MGAT4C: variants seen among roughly 807,000 people sequenced by gnomAD.
MGAT4C encodes the protein alpha-1,3-mannosyl-glycoprotein 4-beta-N-acetylglucosaminyltransferase C.
In MGAT4C, 19 loss-of-function variants were observed where a neutral mutation model predicts 40.1. That is an observed-to-expected ratio of 0.47 (90% confidence interval 0.33 to 0.70). The LOEUF (loss-of-function observed/expected upper bound fraction) is 0.70, where lower values mean the gene tolerates loss of function less well. Among genes scored for constraint, MGAT4C ranks in the 30% least tolerant of loss-of-function variants. The pLI is 0.02. For missense variants in MGAT4C, 491 were observed against 563.2 expected (o/e 0.87, Z 1.30); for synonymous variants, 181 against 187.1 (o/e 0.97, Z 0.27).
At chr12:86,620,289 C>A (rs1302247212) in intron 2 of MGAT4C, among the ~76,000 whole-genome samples, 2 of 151,862 alleles carry the variant, frequency 1.3e-5, no homozygotes, top group Non-Finnish European at 2.9e-5. Context: ...ATTTACAATG[C>A]AAAGTTATGG....
intron 3 of MGAT4C, among the ~76,000 whole-genome samples, chr12:86,362,163 C>T (rs563260516): frequency 4.6e-5 from 7 of 152,226 alleles, no homozygotes; most frequent in African/African-American, 7.2e-5. Context: ...GCCATAAAAA[C>T]GGATGAGTTT....
At chr12:86,667,925 G>A (rs990507224) in intron 2 of MGAT4C, among the ~76,000 whole-genome samples, 6 of 152,272 alleles carry the variant, frequency 3.9e-5, no homozygotes, top group African/African-American at 1.4e-4. Flanking sequence ...AAGCAAGGTT[G>A]ATTGTTTGCA....
chr12:86,630,553 C>T (rs908732907), intron 2 of MGAT4C, among the ~76,000 whole-genome samples: 1 of 152,098 alleles, frequency 6.6e-6, no homozygotes, highest in African/African-American at 2.4e-5. Flanking sequence ...GCTTATCCAC[C>T]AAGATCAAGT....
At chr12:86,567,716 T>C (rs1960191971) in intron 2 of MGAT4C, among the ~76,000 whole-genome samples, 1 of 152,134 alleles carries the variant, frequency 6.6e-6, no homozygotes, top group Admixed American at 6.5e-5. Context: ...TAGAAGAAGG[T>C]GGTCATCAAT....
At chr12:86,456,729 T>C (rs941563514) in intron 2 of MGAT4C, among the ~76,000 whole-genome samples, 2 of 152,118 alleles carry the variant, frequency 1.3e-5, no homozygotes, top group Non-Finnish European at 2.9e-5. Flanking sequence ...TTTATCTATA[T>C]AATCAGGAGA....
intron 3 of MGAT4C, among the ~76,000 whole-genome samples, chr12:86,390,809 G>C (rs1041109455): frequency 6.6e-6 from 1 of 152,040 alleles, no homozygotes; most frequent in African/African-American, 2.4e-5. Flanking sequence ...ATTAGTAATA[G>C]AACAAAGAAC....
At chr12:86,575,495 A>G (rs1254212405) in intron 2 of MGAT4C, among the ~76,000 whole-genome samples, 1 of 151,882 alleles carries the variant, frequency 6.6e-6, no homozygotes, top group Admixed American at 6.6e-5. Context: ...GCTTATTGCA[A>G]CATAATGAGC....
At chr12:86,530,059 T>A (rs973659940) in intron 2 of MGAT4C, among the ~76,000 whole-genome samples, 2 of 151,972 alleles carry the variant, frequency 1.3e-5, no homozygotes, top group Non-Finnish European at 2.9e-5. Flanking sequence ...AAAAATATTG[T>A]CAATCTTTAA....
At chr12:86,502,881 G>A (rs1958382613) in intron 2 of MGAT4C, among the ~76,000 whole-genome samples, 2 of 70,526 alleles carry the variant, frequency 2.8e-5, no homozygotes, top group Non-Finnish European at 5.0e-5. Flanking sequence ...ATATATATAT[G>A]AGTTCTGCTC....
intron 1 of MGAT4C, among the ~76,000 whole-genome samples, chr12:86,755,046 A>C (rs1210870107): frequency 6.6e-6 from 1 of 152,180 alleles, no homozygotes; most frequent in Non-Finnish European, 1.5e-5. Flanking sequence ...TAAAATACTA[A>C]TCTGTATGTT....
rs965673636 is a variant in MGAT4C, at chr12:86,104,478, G to A, written c.-56-54755C>T. Among the ~76,000 whole-genome samples, 6 of 151,852 alleles carry A rather than the reference G, an allele frequency of 4.0e-5. No individual in the cohort carries two copies. The East Asian group carries it at 5.8e-4, about 15-fold the overall frequency. ...CAAATAACAACAAAAAAATTGTCTCGTAATATTTAATATTATTTTTCTAAA... is the reference window on the plus strand; with the variant it reads ...CAAATAACAACAAAAAAATTGTCTCATAATATTTAATATTATTTTTCTAAA... On this transcript the variant is annotated intron_variant, in intron 1 of 4. Coordinates refer to ENST00000611864, the MANE Select transcript of MGAT4C (RefSeq NM_001351288.2).
chr12:86,364,337 AT>A (rs1368540450), intron 3 of MGAT4C, among the ~76,000 whole-genome samples: 2 of 152,246 alleles, frequency 1.3e-5, no homozygotes, highest in Non-Finnish European at 2.9e-5. Context: ...TGTTGTTGCA[AT>A]TGCTTCTGGG....
chr12:86,246,055 C>T (rs1017388592), intron 1 of MGAT4C, among the ~76,000 whole-genome samples: 1 of 152,026 alleles, frequency 6.6e-6, no homozygotes, highest in Non-Finnish European at 1.5e-5. Flanking sequence ...CCAATCCAAC[C>T]GATTTTTAAG....
At chr12:86,109,424 A>G (rs1273334197) in intron 1 of MGAT4C, among the ~76,000 whole-genome samples, 2 of 152,124 alleles carry the variant, frequency 1.3e-5, no homozygotes, top group African/African-American at 4.8e-5. Flanking sequence ...ATTAAACAGA[A>G]GAAAACAGAA....
intron 1 of MGAT4C, among the ~76,000 whole-genome samples, chr12:86,222,085 A>G (rs951502816): frequency 1.3e-5 from 2 of 152,214 alleles, no homozygotes; most frequent in African/African-American, 4.8e-5. Flanking sequence ...AGTACATATC[A>G]TACAGACATA....
At chr12:86,056,033 G>C (rs980003091) in intron 1 of MGAT4C, among the ~76,000 whole-genome samples, 1 of 152,014 alleles carries the variant, frequency 6.6e-6, no homozygotes, top group Non-Finnish European at 1.5e-5. Context: ...TCAATGGCTT[G>C]ACTATACCAC....
chr12:86,582,645 T>C (rs1056615151), intron 2 of MGAT4C, among the ~76,000 whole-genome samples: 4 of 151,390 alleles, frequency 2.6e-5, no homozygotes, highest in Non-Finnish European at 5.9e-5. Context: ...TAAATTTCTG[T>C]CTAGCATTTT....
intron 1 of MGAT4C, among the ~76,000 whole-genome samples, chr12:86,834,918 T>A (rs957631794): frequency 1.3e-5 from 2 of 151,898 alleles, no homozygotes; most frequent in African/African-American, 4.8e-5. Flanking sequence ...CTAGCTAGAA[T>A]ATGCTAGATA....
intron 1 of MGAT4C, among the ~76,000 whole-genome samples, chr12:86,067,716 A>T (rs1894692286): frequency 6.6e-6 from 1 of 152,066 alleles, no homozygotes; most frequent in African/African-American, 2.4e-5. Context: ...AAAAAAAGAG[A>T]CAGTGAAAGT....
Sources: gnomAD v4.1 joint callset for allele counts (sites outside exome capture counted in the v4.1 genomes callset) on GRCh38, gnomAD v4.1.1 for gene constraint, MANE v1.5 for transcripts, NCBI Gene and HGNC (gene_info 2026-07-23, HGNC 2026-07-21) for gene names.